Variants in ABCB4 observed in about 807,000 individuals in gnomAD.
The protein encoded by ABCB4 is phosphatidylcholine translocator ABCB4.
A neutral mutation model predicts 145.7 loss-of-function variants in ABCB4; 76 were observed. The ratio of observed to expected loss-of-function variants is 0.52; its 90% confidence interval spans 0.43 to 0.63. ABCB4 has a LOEUF of 0.63. ABCB4 is among the 30% of genes least tolerant of loss of function. The pLI is 0.00. For synonymous variants in ABCB4, 517 were observed against 566.8 expected (o/e 0.91, Z 1.25); for missense variants, 1,234 against 1,553.1 (o/e 0.79, Z 3.45).
rs1808390424 is a variant in ABCB4, at chr7:87,408,655, C to G, written c.3082-421G>C. 2.0e-5 allele frequency among the ~76,000 whole-genome samples: 3 copies of G among 152,188 alleles called. No individual in the cohort carries two copies. The South Asian group carries it at 6.2e-4, about 32-fold the overall frequency. The stretch of plus-strand genomic sequence containing the variant: ...TTTCTTAAGTTCACTTTCTTTATCT[C>G]ACTCACTGGGCACAGCAATTTTATC... On this transcript the variant is annotated intron_variant, in intron 24 of 27. Coordinates refer to ENST00000649586, the MANE Select transcript of ABCB4 (RefSeq NM_000443.4).
At chr7:87,376,062 T>C in the ABCB4 span, 1 of 1,027,790 alleles carries the variant, frequency 9.7e-7, no homozygotes, top group Middle Eastern at 3.1e-4. Flanking sequence ...CTCTTGAAAC[T>C]TTTTCTTAGT....
At chr7:87,441,673 A>T (rs919766646) in intron 12 of ABCB4, among the ~76,000 whole-genome samples, 1 of 151,994 alleles carries the variant, frequency 6.6e-6, no homozygotes, top group African/African-American at 2.4e-5. Flanking sequence ...ACAATAGCTC[A>T]CTGCAGCCTT....
At chr7:87,411,752 G>T in intron 23 of ABCB4, 141 bp downstream of exon 23, 1 of 730,690 alleles carries the variant, frequency 1.4e-6, no homozygotes, top group Non-Finnish European at 2.3e-6. Flanking sequence ...CTCTGTGCCT[G>T]CCAGGATGGA....
chr7:87,469,430 C>T (rs1338945346), intron 3 of ABCB4, among the ~76,000 whole-genome samples: 5 of 152,186 alleles, frequency 3.3e-5, no homozygotes, highest in Non-Finnish European at 7.3e-5. Flanking sequence ...GGAAGTAAAA[C>T]TGTCCCTGTT....
At position 87,443,739 on chromosome 7, in the gene ABCB4, T is replaced by C; in HGVS notation, c.1154A>G (p.His385Arg). ...ATTCCCTTTGATGCTGTCTGGTTTG[T>C]GTCCTCTCTCTGAAAAACTGTCAAT... ...PKIDSFSERG[H>R]KPDSIKGNLE... is the part of the protein sequence containing the mutation. The change falls in exon 11 of 28, where the codon CAC (histidine) becomes CGC (arginine). Residue 385 changes from histidine to arginine, a missense_variant. Transcript: ENST00000649586. 6.2e-7 allele frequency: 1 copy of C among 1,613,988 alleles called. No homozygotes were observed. The highest frequency in any genetic ancestry group is 8.5e-7 in the Non-Finnish European group (1 of 1,179,908).
At chr7:87,466,437 A>G (rs143759687) in intron 3 of ABCB4, among the ~76,000 whole-genome samples, 66 of 152,366 alleles carry the variant, frequency 4.3e-4, no homozygotes, top group Non-Finnish European at 8.5e-4. Context: ...TGTACCTGAA[A>G]GTGACAGGAT....
chr7:87,438,772 A>G (rs1810781831), intron 14 of ABCB4, among the ~76,000 whole-genome samples: 1 of 152,130 alleles, frequency 6.6e-6, no homozygotes, highest in African/African-American at 2.4e-5. Context: ...AAGAGTCAAG[A>G]TATTAAGCTG....
chr7:87,434,733 C>T (rs1453629912), intron 14 of ABCB4, among the ~76,000 whole-genome samples: 1 of 150,074 alleles, frequency 6.7e-6, no homozygotes, highest in Non-Finnish European at 1.5e-5. Flanking sequence ...GGAGACAGAG[C>T]GAGACTCCGT....
intron 14 of ABCB4, among the ~76,000 whole-genome samples, chr7:87,436,756 T>C (rs1041675216): frequency 2.5e-4 from 38 of 152,194 alleles, no homozygotes; most frequent in African/African-American, 8.9e-4. Flanking sequence ...ATTGGCTGCA[T>C]GTCAGAATTG....
chr7:87,406,399 G>C lies in ABCB4; in HGVS notation c.3375C>G (p.Ser1125Arg). The change falls in exon 26 of 28, where the codon AGC becomes AGG. Residue 1125 changes from serine (S) to arginine (R), a missense_variant. Physicochemically the swap from Ser to Arg is moderately radical, Grantham distance 110. Around this residue, in one of 7 missense-constraint regions of ABCB4, gnomAD observed 301 missense variants for 389.0 expected, o/e 0.77. Coordinates refer to ENST00000649586, the MANE Select transcript of ABCB4 (RefSeq NM_000443.4). ...VSQEPILFDC[S>R]IAENIAYGDN... ...CTCCATAGGCAATATTCTCGGCAAT[G>C]CTGCAGTCAAATAGGATAGGCTCCT... The C allele has an allele frequency of 6.2e-7, 1 of 1,614,062 alleles. No homozygotes were observed. Among genetic ancestry groups the C allele is most frequent in the Non-Finnish European group, 8.5e-7 (1 of 1,180,014 alleles).
the ABCB4 span, chr7:87,391,840 C>A: frequency 1.1e-6 from 1 of 949,606 alleles, no homozygotes; most frequent in Non-Finnish European, 1.5e-6. Flanking sequence ...GACATCTTTT[C>A]TGAGGTTTTT....
chr7:87,455,878 A>G (rs764671453), intron 4 of ABCB4, among the ~76,000 whole-genome samples: 2 of 152,182 alleles, frequency 1.3e-5, no homozygotes, highest in Non-Finnish European at 2.9e-5. Flanking sequence ...AAACTTATTT[A>G]AAACTCAAAC....
At position 87,411,334 on chromosome 7, in the gene ABCB4, G is replaced by A. The variant is rs45563233; in HGVS notation, c.2924+559C>T. Among the ~76,000 whole-genome samples the A allele has an allele frequency of 7.7e-3, 1,166 of 152,208 alleles. 18 individuals are homozygous for A. The highest frequency in any genetic ancestry group is 0.026 in the African/African-American group (1,097 of 41,534). ...AGCCCAGATTGCAACCTAATGGAAT[G>A]TGCTGAGCACATTATGAAAGAAGGC... is the stretch of plus-strand genomic sequence containing the variant. On this transcript the variant is annotated intron_variant, in intron 23 of 27. Coordinates refer to ENST00000649586, the MANE Select transcript of ABCB4 (RefSeq NM_000443.4).
At chr7:87,423,497 T>C (rs1176599625) in intron 17 of ABCB4, 1 of 245,620 alleles carries the variant, frequency 4.1e-6, no homozygotes, top group East Asian at 1.0e-4. Context: ...AGCTATTGAG[T>C]GGTGAGGCCA....
At chr7:87,424,433 CAT>C (rs1052117895) in intron 16 of ABCB4, among the ~76,000 whole-genome samples, 1 of 152,156 alleles carries the variant, frequency 6.6e-6, no homozygotes, top group Non-Finnish European at 1.5e-5. Flanking sequence ...GCAGTTTTCT[CAT>C]ATATTATGAT....
At chr7:87,389,626 G>T in the ABCB4 span, among the ~76,000 whole-genome samples, 1 of 151,928 alleles carries the variant, frequency 6.6e-6, no homozygotes, top group Admixed American at 6.6e-5. Context: ...CTGTCATGGG[G>T]TGGGGGGCTA....
intron 22 of ABCB4, 100 bp downstream of exon 22, chr7:87,413,517 A>G: frequency 1.2e-6 from 1 of 826,668 alleles, no homozygotes; most frequent in South Asian, 1.4e-5. Flanking sequence ...TTATAGTCAT[A>G]TCATTGTTTG....
the ABCB4 span, among the ~76,000 whole-genome samples, chr7:87,388,712 A>G: frequency 6.6e-6 from 1 of 152,228 alleles, no homozygotes; most frequent in African/African-American, 2.4e-5. Flanking sequence ...GGACATAGGC[A>G]TGGGCAAAGA....
chr7:87,442,815 A>G (rs1811075691), intron 12 of ABCB4, among the ~76,000 whole-genome samples: 1 of 152,180 alleles, frequency 6.6e-6, no homozygotes, highest in Non-Finnish European at 1.5e-5. Context: ...ACCCTAGGCT[A>G]TTACTGTCTC....
Sources: allele counts gnomAD v4.1 joint callset (sites outside exome capture counted in the v4.1 genomes callset), GRCh38; gene constraint gnomAD v4.1.1; regional missense constraint gnomAD v4.1.1; transcripts MANE v1.5; gene names NCBI Gene and HGNC (gene_info 2026-07-23, HGNC 2026-07-21).